The following GFRAL variants were observed in gnomAD, a reference collection of about 807,000 sequenced individuals.
The protein encoded by GFRAL is GDNF family receptor alpha like, also known as GDNF family receptor alpha-like.
A neutral mutation model predicts 45.4 loss-of-function variants in GFRAL; 36 were observed. The ratio of observed to expected loss-of-function variants is 0.79; its 90% CI spans 0.61 to 1.05. The LOEUF is 1.05. Among genes scored for constraint, GFRAL ranks in the 50% least tolerant of loss-of-function variants. GFRAL has a pLI of 0.00. For missense variants in GFRAL, 507 were observed against 467.5 expected, an observed-to-expected ratio of 1.08 and a Z score of -0.78; for synonymous variants, 166 against 154.1, an observed-to-expected ratio of 1.08 and a Z score of -0.57.
chr6:55,369,099 G>A (rs902827624), intron 6 of GFRAL, among the ~76,000 whole-genome samples: 3 of 151,350 alleles, frequency 2.0e-5, no homozygotes, highest in Non-Finnish European at 4.4e-5. Flanking sequence ...GCGAGACTCC[G>A]TGGGCGTAGG....
Position 55,345,525 on chromosome 6 carries a change from C to T in GFRAL, c.317-4567C>T, listed in dbSNP as rs1768029151. 4.6e-5 allele frequency among the ~76,000 whole-genome samples: 7 copies of T among 152,240 alleles called. No homozygotes were observed. The South Asian group carries it at 1.5e-3, about 32-fold the overall frequency. On this transcript the variant is annotated intron_variant, in intron 3 of 8. Transcript: ENST00000340465. ...GCTGAAACTGGATTCCTTCCTTACA[C>T]CTTATACAAAAATTAACTCAAGATG...
chr6:55,346,333 C>T (rs1581904898), intron 3 of GFRAL, among the ~76,000 whole-genome samples: 2 of 152,126 alleles, frequency 1.3e-5, no homozygotes, highest in African/African-American at 4.8e-5. Context: ...AAATGTGGCA[C>T]ATATACACCA....
chr6:55,348,823 G>A (rs1323062085), intron 3 of GFRAL, among the ~76,000 whole-genome samples: 3 of 152,098 alleles, frequency 2.0e-5, no homozygotes, highest in African/African-American at 4.8e-5. Flanking sequence ...ATAACAGTGA[G>A]TGAAGCTGTT....
At chr6:55,392,307 A>T (rs1050017359) in intron 6 of GFRAL, among the ~76,000 whole-genome samples, 1 of 152,204 alleles carries the variant, frequency 6.6e-6, no homozygotes, top group Non-Finnish European at 1.5e-5. Flanking sequence ...GCATCATTTT[A>T]TGAATATCTC....
intron 2 of GFRAL, among the ~76,000 whole-genome samples, chr6:55,333,448 T>C (rs1015444633): frequency 6.6e-6 from 1 of 152,096 alleles, no homozygotes; most frequent in African/African-American, 2.4e-5. Flanking sequence ...GCTAATAAAA[T>C]AGATAAGCTG....
chr6:55,345,627 G>T lies in GFRAL; in HGVS notation c.317-4465G>T, dbSNP rs140833548. ...CCTAGGCAATACCATTCAGGAGATA[G>T]GCACGGGCAAGGACTTCATGTCTAA... On this transcript the variant is annotated intron_variant, in intron 3 of 8. Coordinates refer to ENST00000340465, the MANE Select transcript of GFRAL (RefSeq NM_207410.2). Among the ~76,000 whole-genome samples the T allele has an allele frequency of 3.3e-3, 510 of 152,296 alleles. 3 individuals carry two copies. The highest frequency in any genetic ancestry group is 0.012 in the African/African-American group (483 of 41,574).
intron 6 of GFRAL, among the ~76,000 whole-genome samples, chr6:55,397,207 T>G (rs1351669186): frequency 1.3e-5 from 2 of 152,040 alleles, no homozygotes; most frequent in Non-Finnish European, 2.9e-5. Flanking sequence ...ATATGCAAAT[T>G]GGAGACTAAA....
At chr6:55,341,679 C>T (rs865921604) in intron 3 of GFRAL, among the ~76,000 whole-genome samples, 2 of 152,302 alleles carry the variant, frequency 1.3e-5, no homozygotes, top group Middle Eastern at 3.4e-3. Flanking sequence ...TGGAGAATGA[C>T]TTTGACGAGT....
chr6:55,333,814 T>C lies in GFRAL; in HGVS notation c.186T>C (p.Asn62=), dbSNP rs548494498. 124 of 1,603,246 alleles carry C rather than the reference T, an allele frequency of 7.7e-5. No individual in the cohort carries two copies. The South Asian group carries it at 1.3e-3, about 17-fold the overall frequency. Residue 62 remains asparagine, a synonymous_variant, in exon 3 of 9, where the codon AAT becomes AAC. Coordinates refer to ENST00000340465, the MANE Select transcript of GFRAL (RefSeq NM_207410.2). ...SDPGDPCKMR[N]SSYCNLSIQY... ...CAGGTGACCCCTGCAAGATGAGGAA[T>C]TCATCATACTGTAACCTGAGTATCC...
intron 6 of GFRAL, among the ~76,000 whole-genome samples, chr6:55,393,653 G>A (rs1445820924): frequency 6.6e-6 from 1 of 151,866 alleles, no homozygotes; most frequent in African/African-American, 2.4e-5. Flanking sequence ...GAAAGAGGAA[G>A]GAAGGAAAAG....
intron 3 of GFRAL, among the ~76,000 whole-genome samples, chr6:55,334,602 C>A (rs1767868812): frequency 6.6e-6 from 1 of 152,182 alleles, no homozygotes; most frequent in African/African-American, 2.4e-5. Context: ...CCTGTTATCA[C>A]AGAGTGCTCA....
At chr6:55,378,093 A>G (rs1400264651) in intron 6 of GFRAL, among the ~76,000 whole-genome samples, 1 of 151,978 alleles carries the variant, frequency 6.6e-6, no homozygotes, top group African/African-American at 2.4e-5. Context: ...ATTCCCTCAA[A>G]CTCGCATACA....
chr6:55,327,511 G>A lies in GFRAL; in HGVS notation c.-44G>A, dbSNP rs201433318. 110 of 1,609,746 alleles carry A rather than the reference G, an allele frequency of 6.8e-5. 1 individual carries two copies. The highest frequency in any genetic ancestry group is 2.0e-4 in the South Asian group (18 of 90,806). On this transcript the variant is annotated 5_prime_UTR_variant, in exon 1 of 9. Coordinates refer to ENST00000340465, the MANE Select transcript of GFRAL (RefSeq NM_207410.2). ...TCTTAAGAAAGTTGTCAGAAGAAAC[G>A]CATCTGCCTTTTTTTCCAGGTGAAC...
chr6:55,352,867 T>A (rs1400774995), intron 5 of GFRAL, among the ~76,000 whole-genome samples: 1 of 152,114 alleles, frequency 6.6e-6, no homozygotes, highest in East Asian at 1.9e-4. Flanking sequence ...ATCAAGCACC[T>A]ACTACTACTC....
At chr6:55,345,928 A>C (rs1278867356) in intron 3 of GFRAL, among the ~76,000 whole-genome samples, 1 of 152,244 alleles carries the variant, frequency 6.6e-6, no homozygotes, top group Admixed American at 6.5e-5. Flanking sequence ...CAGCCAACTG[A>C]CACATGAAAA....
chr6:55,361,218 G>T (rs1320774344), intron 6 of GFRAL, among the ~76,000 whole-genome samples: 1 of 151,940 alleles, frequency 6.6e-6, no homozygotes, highest in Admixed American at 6.6e-5. Flanking sequence ...CAAATGACAG[G>T]ATTATAGAAT....
At chr6:55,346,542 T>A (rs1768044420) in intron 3 of GFRAL, among the ~76,000 whole-genome samples, 1 of 150,948 alleles carries the variant, frequency 6.6e-6, no homozygotes, top group Non-Finnish European at 1.5e-5. Flanking sequence ...GGGCCTGTCG[T>A]GGGGTGGTAG....
At chr6:55,339,055 CT>C (rs759688305) in intron 3 of GFRAL, among the ~76,000 whole-genome samples, 7 of 152,028 alleles carry the variant, frequency 4.6e-5, no homozygotes, top group Non-Finnish European at 8.8e-5. Context: ...TAATGCATGC[CT>C]GAACTAAGGC....
chr6:55,392,407 C>T (rs2127365933), intron 6 of GFRAL, among the ~76,000 whole-genome samples: 1 of 152,302 alleles, frequency 6.6e-6, no homozygotes, highest in Middle Eastern at 3.4e-3. Flanking sequence ...TGGTGCTTTT[C>T]ATCACATTGT....
Sources: gnomAD v4.1 joint callset for allele counts (sites outside exome capture counted in the v4.1 genomes callset) on GRCh38, gnomAD v4.1.1 for gene constraint, MANE v1.5 for transcripts, NCBI Gene and HGNC (gene_info 2026-07-23, HGNC 2026-07-21) for gene names.